ARHGAP39: variants seen among roughly 807,000 people sequenced by gnomAD.
ARHGAP39 encodes the protein rho GTPase-activating protein 39.
ARHGAP39 carries 44 observed loss-of-function variants against 106.9 expected under a neutral mutation model. The ratio of observed to expected loss-of-function variants is 0.41; its 90% CI spans 0.32 to 0.53. The LOEUF is 0.53. Among genes scored for constraint, ARHGAP39 ranks in the 20% least tolerant of loss-of-function variants. The probability of loss-of-function intolerance (pLI) is 0.21; values close to 1 mark genes in which losing one functional copy is unlikely to be tolerated. For missense variants in ARHGAP39, 1,496 were observed against 1,577.3 expected, an observed-to-expected ratio of 0.95 and a Z score of 0.87; for synonymous variants, 768 against 693.2, an observed-to-expected ratio of 1.11 and a Z score of -1.69.
intron 1 of ARHGAP39, among the ~76,000 whole-genome samples, chr8:144,662,433 G>A (rs1328567825): frequency 7.6e-6 from 1 of 131,674 alleles, no homozygotes; most frequent in Non-Finnish European, 1.6e-5. Context: ...CATCCACCTT[G>A]GGCCGCTACC....
In ARHGAP39 at chr8:144,548,305, C is replaced by G. The variant is rs1817555822; in HGVS notation, c.781G>C (p.Ala261Pro). 6 of 1,608,522 alleles carry G rather than the reference C, an allele frequency of 3.7e-6. No homozygotes were observed. The highest frequency in any genetic ancestry group is 5.1e-6 in the Non-Finnish European group (6 of 1,177,158). ...TCTGGGAAGAAGATGGTGCCGTCAGCCTCCGGGGCGAAGGTCTGCAGGCTG... is the reference window on the plus strand; with the variant it reads ...TCTGGGAAGAAGATGGTGCCGTCAGGCTCCGGGGCGAAGGTCTGCAGGCTG... Reference protein sequence around the residue: ...SPSLQTFAPEADGTIFFPERR... With the variant: ...SPSLQTFAPEPDGTIFFPERR... The change falls in exon 5 of 12, where the codon GCT (alanine) becomes CCT (proline). Residue 261 changes from alanine (A) to proline (P), a missense_variant. Physicochemically the swap from Ala to Pro is conservative, Grantham distance 27 (BLOSUM62 -1). Around this residue, in one of 4 missense-constraint regions of ARHGAP39, gnomAD observed 905 missense variants for 816.4 expected, o/e 1.11. Coordinates refer to ENST00000377307, the MANE Select transcript of ARHGAP39 (RefSeq NM_025251.3). This position sits in a 1 kb window ranked among gnomAD's most constrained non-coding sequence, Gnocchi z 7.4.
chr8:144,693,614 C>G, the ARHGAP39 span, among the ~76,000 whole-genome samples: 1 of 152,030 alleles, frequency 6.6e-6, no homozygotes, highest in Non-Finnish European at 1.5e-5. Context: ...ACCTCGTGAT[C>G]CACCCGCCTC....
At chr8:144,620,608 T>C (rs1820780126) in intron 1 of ARHGAP39, among the ~76,000 whole-genome samples, 1 of 152,194 alleles carries the variant, frequency 6.6e-6, no homozygotes, top group Non-Finnish European at 1.5e-5. Context: ...TGTGAGTACG[T>C]GTGTGTGAGT....
intron 1 of ARHGAP39, among the ~76,000 whole-genome samples, chr8:144,622,894 A>G (rs1043220276): frequency 2.6e-5 from 4 of 152,202 alleles, no homozygotes; most frequent in African/African-American, 9.7e-5. Flanking sequence ...CTGGTTGCTG[A>G]TCCAGTTACT....
intron 7 of ARHGAP39, among the ~76,000 whole-genome samples, chr8:144,537,394 G>A (rs1234141947): frequency 1.3e-5 from 2 of 152,106 alleles, no homozygotes; most frequent in Admixed American, 6.5e-5. Flanking sequence ...AAACTTCCCT[G>A]TGGGGGTCAG....
intron 3 of ARHGAP39, among the ~76,000 whole-genome samples, chr8:144,561,704 A>AGTGGTTTCCATCG: frequency 7.3e-6 from 1 of 136,174 alleles, no homozygotes; most frequent in African/African-American, 3.2e-5. Context: ...GGTTTCCATC[A>AGTGGTTTCCATCG]CACTCCAGTG....
intron 2 of ARHGAP39, among the ~76,000 whole-genome samples, chr8:144,599,168 C>G (rs936060468): frequency 6.6e-6 from 1 of 152,210 alleles, no homozygotes; most frequent in Non-Finnish European, 1.5e-5. Context: ...AGCAGTCCCT[C>G]GTCAGAAATT....
intron 10 of ARHGAP39, 36 bp from the exon 11 acceptor site, chr8:144,530,907 G>C (rs569239939): frequency 1.3e-6 from 2 of 1,585,054 alleles, no homozygotes; most frequent in South Asian, 1.1e-5. Context: ...GGCCCTGCTC[G>C]GCGGGCACCC....
rs150654504 is a variant in ARHGAP39, at chr8:144,669,630, C to T, written c.-82+16056G>A. ...ATTTGTAAATTGTATATATCTGATC[C>T]GGCACTTGTATACAGAATATATAAA... On this transcript the variant is annotated intron_variant, in intron 1 of 11. Transcript: ENST00000377307. Among the ~76,000 whole-genome samples the T allele has an allele frequency of 6.6e-3, 997 of 151,808 alleles. 12 individuals carry two copies. Among genetic ancestry groups the T allele is most frequent in the African/African-American group, 0.022 (919 of 41,396 alleles).
At chr8:144,570,881 G>A (rs1295151642) in intron 3 of ARHGAP39, among the ~76,000 whole-genome samples, 1 of 152,136 alleles carries the variant, frequency 6.6e-6, no homozygotes, top group Non-Finnish European at 1.5e-5. Context: ...AGAAAATCTA[G>A]AAGAAATTGA....
chr8:144,679,510 T>A lies in ARHGAP39; in HGVS notation c.-82+6176A>T, dbSNP rs897728927. Among the ~76,000 whole-genome samples, 1 of 152,192 alleles carries A rather than the reference T, an allele frequency of 6.6e-6. No homozygotes were observed. The highest frequency in any genetic ancestry group is 1.5e-5 in the Non-Finnish European group (1 of 68,030). ...GCCTCTGCTGCTGTGAGCGCTGCAGTGCTGGGGTTGCTACTGCAACTCGCT... is the reference window on the plus strand; with the variant it reads ...GCCTCTGCTGCTGTGAGCGCTGCAGAGCTGGGGTTGCTACTGCAACTCGCT... On this transcript the variant is annotated intron_variant, in intron 1 of 11. Coordinates refer to ENST00000377307, the MANE Select transcript of ARHGAP39 (RefSeq NM_025251.3). The surrounding 1 kb of genome is among the most constrained non-coding windows in gnomAD (Gnocchi z 4.7).
intron 2 of ARHGAP39, among the ~76,000 whole-genome samples, chr8:144,584,489 G>A (rs1025442894): frequency 2.6e-5 from 4 of 152,104 alleles, no homozygotes; most frequent in South Asian, 2.1e-4. Context: ...CTGGCCAGGT[G>A]CGGTGGCTCA....
rs1563722794 is a variant in ARHGAP39, at chr8:144,647,729, G to A, written c.-82+37957C>T. On this transcript the variant is annotated intron_variant, in intron 1 of 11. Transcript: ENST00000377307. This position sits in a 1 kb window ranked among gnomAD's most constrained non-coding sequence, Gnocchi z 4.8. ...GAGACCAATGCAGAATGCAGAGAAA[G>A]CAAGACGCCGTGCCAGGGGAGGGCA... Among the ~76,000 whole-genome samples the A allele has an allele frequency of 1.3e-5, 2 of 152,378 alleles. No homozygotes were observed. The highest frequency in any genetic ancestry group is 3.9e-4 in the East Asian group (2 of 5,194).
intron 1 of ARHGAP39, among the ~76,000 whole-genome samples, chr8:144,681,565 C>A (rs528716930): frequency 6.6e-6 from 1 of 152,236 alleles, no homozygotes; most frequent in Admixed American, 6.5e-5. Context: ...TTTTCAACAG[C>A]ACCAAAGAAG....
intron 6 of ARHGAP39, among the ~76,000 whole-genome samples, chr8:144,542,634 C>A (rs1433248470): frequency 6.7e-6 from 1 of 149,006 alleles, no homozygotes; most frequent in African/African-American, 2.5e-5. Context: ...CCCGCCCCCC[C>A]ACCCCCACTT....
chr8:144,539,419 A>G (rs1305208250), intron 6 of ARHGAP39, among the ~76,000 whole-genome samples: 5 of 152,194 alleles, frequency 3.3e-5, no homozygotes, highest in African/African-American at 1.2e-4. Context: ...ACGAAGTCCA[A>G]TTTATCCATG....
At chr8:144,597,337 C>T (rs780561215) in intron 2 of ARHGAP39, among the ~76,000 whole-genome samples, 32 of 152,360 alleles carry the variant, frequency 2.1e-4, no homozygotes, top group Middle Eastern at 6.8e-3. Context: ...CAAAGCCCAA[C>T]GTCTTCTCTG....
chr8:144,569,603 G>A (rs1411467987), intron 3 of ARHGAP39, among the ~76,000 whole-genome samples: 4 of 152,174 alleles, frequency 2.6e-5, no homozygotes, highest in Non-Finnish European at 5.9e-5. Flanking sequence ...GCAGGTAGAC[G>A]AATGGTTCCT....
At chr8:144,530,655 C>CGG in intron 11 of ARHGAP39, 39 bp from the exon 12 acceptor site, 1 of 310,966 alleles carries the variant, frequency 3.2e-6, no homozygotes, top group Non-Finnish European at 3.9e-6. Flanking sequence ...GGGGCGGGGG[C>CGG]GGGGCGGGGA....
Sources: allele counts gnomAD v4.1 joint callset (sites outside exome capture counted in the v4.1 genomes callset), GRCh38; gene constraint gnomAD v4.1.1; regional missense constraint gnomAD v4.1.1; non-coding constraint Gnocchi (gnomAD v3.1); transcripts MANE v1.5; gene names NCBI Gene and HGNC (gene_info 2026-07-23, HGNC 2026-07-21).